STXBP6: variants seen among roughly 807,000 people sequenced by gnomAD.
STXBP6 encodes syntaxin-binding protein 6.
STXBP6 carries 21 observed loss-of-function variants against 26.9 expected under a neutral mutation model. The ratio of observed to expected loss-of-function variants is 0.78; its 90% CI spans 0.55 to 1.12. STXBP6 has a LOEUF of 1.12. Ranked by LOEUF, STXBP6 falls within the 50% of genes most tolerant of loss-of-function variation. STXBP6 has a pLI of 0.00. For missense variants in STXBP6, 232 were observed against 257.9 expected (o/e 0.90, Z 0.69); for synonymous variants, 97 against 92.6 (o/e 1.05, Z -0.27).
chr14:25,029,463 C>G (rs528901821), intron 1 of STXBP6, among the ~76,000 whole-genome samples: 1 of 152,244 alleles, frequency 6.6e-6, no homozygotes, highest in Admixed American at 6.5e-5. Context: ...CATAATGCTA[C>G]TGGACACTTA....
At chr14:24,995,234 T>C (rs922554054) in intron 1 of STXBP6, among the ~76,000 whole-genome samples, 3 of 152,146 alleles carry the variant, frequency 2.0e-5, no homozygotes, top group African/African-American at 7.2e-5. Context: ...GGGCCTCTTT[T>C]ATAAGGATAA....
At chr14:24,994,465 A>G (rs10148708) in intron 1 of STXBP6, among the ~76,000 whole-genome samples, 4,981 of 152,104 alleles carry the variant, frequency 0.033, 264 homozygotes, top group African/African-American at 0.11. Context: ...CACTCTTTCA[A>G]TCCCTTCACA....
intron 4 of STXBP6, among the ~76,000 whole-genome samples, chr14:24,842,519 C>T (rs1399989315): frequency 6.6e-6 from 1 of 152,126 alleles, no homozygotes; most frequent in Non-Finnish European, 1.5e-5. Context: ...TACTGTGATA[C>T]CATGTGATAG....
intron 2 of STXBP6, among the ~76,000 whole-genome samples, chr14:24,890,943 C>T (rs2070764765): frequency 6.6e-6 from 1 of 152,204 alleles, no homozygotes; most frequent in Non-Finnish European, 1.5e-5. Context: ...GGTAGAATTA[C>T]ATTTTCAACA....
intron 2 of STXBP6, 82 bp downstream of exon 2, chr14:24,974,583 A>C: frequency 7.7e-7 from 1 of 1,298,062 alleles, no homozygotes; most frequent in Non-Finnish European, 1.0e-6. Context: ...AAACCTGTGA[A>C]TGTAAACCTC....
chr14:24,844,041 G>A (rs569552658), intron 4 of STXBP6, among the ~76,000 whole-genome samples: 32 of 152,268 alleles, frequency 2.1e-4, no homozygotes, highest in African/African-American at 7.7e-4. Flanking sequence ...AGGGGAGAGA[G>A]GCTGGAGATA....
chr14:24,926,764 G>C (rs1388148007), intron 2 of STXBP6, among the ~76,000 whole-genome samples: 1 of 152,152 alleles, frequency 6.6e-6, no homozygotes, highest in Admixed American at 6.5e-5. Context: ...CTACGTGTGT[G>C]AACATGGGCA....
At chr14:24,981,338 T>C (rs1446650035) in intron 1 of STXBP6, among the ~76,000 whole-genome samples, 3 of 152,160 alleles carry the variant, frequency 2.0e-5, no homozygotes, top group African/African-American at 7.2e-5. Flanking sequence ...TGGCACCATC[T>C]TGGCTCACTG....
chr14:24,986,777 T>C (rs2074343781), intron 1 of STXBP6, among the ~76,000 whole-genome samples: 1 of 152,238 alleles, frequency 6.6e-6, no homozygotes, highest in Non-Finnish European at 1.5e-5. Flanking sequence ...GGAGAGTCTT[T>C]ACAGGTTCAC....
At chr14:24,956,516 C>T (rs1353068542) in intron 2 of STXBP6, among the ~76,000 whole-genome samples, 2 of 152,136 alleles carry the variant, frequency 1.3e-5, no homozygotes, top group South Asian at 2.1e-4. Context: ...AGTGTGTTAT[C>T]GAACTGCAGG....
intron 4 of STXBP6, among the ~76,000 whole-genome samples, chr14:24,822,094 A>G (rs2068151812): frequency 6.6e-6 from 1 of 152,146 alleles, no homozygotes; most frequent in African/African-American, 2.4e-5. Context: ...TCTTATGGAA[A>G]AAGTCCAACA....
rs530902626 is a variant in STXBP6 at position 24,996,812 on chromosome 14, G to A, written c.-32-21962C>T. 6.0e-5 allele frequency among the ~76,000 whole-genome samples: 8 copies of A among 132,574 alleles called. No individual in the cohort carries two copies. In the South Asian group the frequency reaches 1.5e-3, roughly 25 times the overall value. The allele number at this position is 132,574 out of a possible 152,430, so 87.0% of individuals were successfully genotyped here. A position where few individuals can be genotyped will look rare whatever the true frequency, so the allele number is the denominator to read the frequency against. The stretch of plus-strand genomic sequence containing the variant: ...AGAGGCTGCGGTGAGCCAAGATCGC[G>A]CCATTGTACTTCAGCCTGGGCAACA... On this transcript the variant is annotated intron_variant, in intron 1 of 5. Coordinates refer to ENST00000323944, the MANE Select transcript of STXBP6 (RefSeq NM_001394410.1).
chr14:24,849,060 G>T (rs1230838831), intron 4 of STXBP6, among the ~76,000 whole-genome samples: 2 of 152,132 alleles, frequency 1.3e-5, no homozygotes, highest in Non-Finnish European at 2.9e-5. Flanking sequence ...GATGCAGTGG[G>T]TACACTGCTG....
chr14:24,978,496 G>A (rs1316713815), intron 1 of STXBP6, among the ~76,000 whole-genome samples: 1 of 152,146 alleles, frequency 6.6e-6, no homozygotes, highest in African/African-American at 2.4e-5. Flanking sequence ...TCCATCCCAA[G>A]GCTGAGAACC....
intron 1 of STXBP6, among the ~76,000 whole-genome samples, chr14:24,975,945 C>A (rs1954825672): frequency 6.6e-6 from 1 of 152,112 alleles, no homozygotes; most frequent in South Asian, 2.1e-4. Context: ...ATTAAAGGCA[C>A]AGAGAGGGCC....
intron 1 of STXBP6, among the ~76,000 whole-genome samples, chr14:25,024,258 G>T (rs1234808925): frequency 6.6e-6 from 1 of 151,744 alleles, no homozygotes; most frequent in Non-Finnish European, 1.5e-5. Context: ...GCAGTGAGCC[G>T]AGATTGTGCC....
intron 2 of STXBP6, among the ~76,000 whole-genome samples, chr14:24,859,637 A>T (rs559694708): frequency 1.8e-3 from 270 of 152,290 alleles, no homozygotes; most frequent in Non-Finnish European, 1.4e-3. Flanking sequence ...TCTCTTTCCA[A>T]AGGAAAGCTA....
intron 4 of STXBP6, among the ~76,000 whole-genome samples, chr14:24,835,641 C>T (rs374425106): frequency 6.6e-6 from 1 of 152,100 alleles, no homozygotes; most frequent in Non-Finnish European, 1.5e-5. Flanking sequence ...GTTCTTTCTT[C>T]CTCACCTCTG....
intron 1 of STXBP6, among the ~76,000 whole-genome samples, chr14:25,020,176 A>T (rs2075236178): frequency 1.3e-5 from 2 of 152,158 alleles, no homozygotes; most frequent in South Asian, 4.1e-4. Context: ...ACTGCCAGTC[A>T]CCTTCAGAGG....
Sources: allele counts gnomAD v4.1 joint callset (sites outside exome capture counted in the v4.1 genomes callset), GRCh38; gene constraint gnomAD v4.1.1; transcripts MANE v1.5; gene names NCBI Gene and HGNC (gene_info 2026-07-23, HGNC 2026-07-21).